The following PARD6B variants were observed in gnomAD, a reference collection of about 807,000 sequenced individuals.
PARD6B encodes the protein par-6 family cell polarity regulator beta.
In PARD6B, 4 loss-of-function variants were observed where a neutral mutation model predicts 10.5. The observed-to-expected ratio is 0.38, with a 90% CI of 0.19 to 0.87. The LOEUF (loss-of-function observed/expected upper bound fraction) is 0.87. PARD6B is among the 40% of genes least tolerant of loss of function. The pLI, the probability that PARD6B is intolerant of heterozygous loss-of-function variation, is 0.41. For synonymous variants in PARD6B, 169 were observed against 170.4 expected (o/e 0.99, Z 0.07); for missense variants, 396 against 470.6 (o/e 0.84, Z 1.47).
At position 50,750,728 on chromosome 20, in the gene PARD6B, TG is replaced by T; in HGVS notation, c.*241del. ...TGCTGATGAAGTTACGTGCTTTTGC[TG>T]TTTTGTCTGTGGAGAATCAGATGTT... is the stretch of plus-strand genomic sequence containing the variant. On this transcript the variant is annotated 3_prime_UTR_variant, in exon 3 of 3. Coordinates refer to ENST00000371610, the MANE Select transcript of PARD6B (RefSeq NM_032521.3). 1 of 1,280,730 alleles carries T rather than the reference TG, an allele frequency of 7.8e-7. No individual in the cohort carries two copies. Among genetic ancestry groups the T allele is most frequent in the South Asian group, 2.0e-5 (1 of 50,776 alleles). The allele number at this position is 1,280,730 out of a possible 1,614,324, so 79.3% of individuals were successfully genotyped here. A position where few individuals can be genotyped will look rare whatever the true frequency, so the allele number is the denominator to read the frequency against.
At chr20:50,744,229 C>T (rs1045387130) in intron 2 of PARD6B, among the ~76,000 whole-genome samples, 3 of 150,644 alleles carry the variant, frequency 2.0e-5, no homozygotes, top group Non-Finnish European at 4.4e-5. Context: ...AGTCTCCTGC[C>T]TCATCCTCCC....
chr20:50,741,290 T>C (rs868552344), intron 2 of PARD6B, among the ~76,000 whole-genome samples: 2 of 152,014 alleles, frequency 1.3e-5, no homozygotes, highest in East Asian at 1.9e-4. Context: ...TGTGCTCTTA[T>C]GCTTGGTTAT....
At position 50,738,025 on chromosome 20, in the gene PARD6B, C is replaced by A. The variant is rs1249222155; in HGVS notation, c.235C>A (p.His79Asn). The A allele has an allele frequency of 6.2e-7, 1 of 1,612,426 alleles. No individual in the cohort carries two copies. Among genetic ancestry groups the A allele is most frequent in the Admixed American group, 1.7e-5 (1 of 59,556 alleles). Residue 79 changes from histidine (H) to asparagine (N), a missense_variant, in exon 2 of 3, where the codon CAC becomes AAC. His to Asn is a moderately conservative substitution (Grantham distance 68). Transcript: ENST00000371610. ...ACCTATAAATAATGATGATAATTAT[C>A]ACAAAGCTGTTTCAACGGCCAATCC... ...LLPINNDDNY[H>N]KAVSTANPLL...
At chr20:50,735,844 C>T (rs921367343) in intron 1 of PARD6B, among the ~76,000 whole-genome samples, 1 of 152,162 alleles carries the variant, frequency 6.6e-6, no homozygotes, top group African/African-American at 2.4e-5. Context: ...GATGTTATTC[C>T]CATTCATACA....
Position 50,750,387 on chromosome 20 carries a change from G to C in PARD6B, c.1018G>C (p.Val340Leu). 6.2e-7 allele frequency: 1 copy of C among 1,614,174 alleles called. No homozygotes were observed. The highest frequency in any genetic ancestry group is 8.5e-7 in the Non-Finnish European group (1 of 1,180,014). ...GQNGFIPSNE[V>L]SLAAIASSSN... ...GAATGGCTTTATTCCCTCTAATGAA[G>C]TGAGCTTAGCAGCCATAGCAAGCAG... Residue 340 changes from valine to leucine, a missense_variant, in exon 3 of 3, where the codon GTG becomes CTG. This residue lies in a region of PARD6B where 188 missense variants were observed against 169.7 expected (regional missense o/e 1.11). Coordinates refer to ENST00000371610, the MANE Select transcript of PARD6B (RefSeq NM_032521.3).
rs1004916738 is a variant in PARD6B, at chr20:50,753,564, G to T, written c.*3076G>T. 8 of 867,878 alleles carry T rather than the reference G, an allele frequency of 9.2e-6. No homozygotes were observed. The highest frequency in any genetic ancestry group is 1.1e-5 in the Non-Finnish European group (8 of 722,878). The allele number at this position is 867,878 out of a possible 1,614,324, so 53.8% of individuals were successfully genotyped here. On this transcript the variant is annotated 3_prime_UTR_variant, in exon 3 of 3. Transcript: ENST00000371610. Reference sequence around the variant, plus strand: ...TGAATTTTCTAATTAAATTTTACATGCTATAACATGATTTTTACATGAATG... The same window carrying T: ...TGAATTTTCTAATTAAATTTTACATTCTATAACATGATTTTTACATGAATG...
intron 1 of PARD6B, among the ~76,000 whole-genome samples, chr20:50,737,135 G>A (rs973335582): frequency 2.0e-5 from 3 of 152,070 alleles, no homozygotes; most frequent in Non-Finnish European, 4.4e-5. Flanking sequence ...TCCCCATTCC[G>A]CCCCATTTGT....
chr20:50,737,814 CT>C (rs77434064), intron 1 of PARD6B, 42 bp from the exon 2 acceptor site: 206,817 of 1,003,728 alleles, frequency 0.21, 428 homozygotes, highest in Non-Finnish European at 0.22. Flanking sequence ...GGTCCTTTTA[CT>C]TTTTTTTTTT....
chr20:50,742,952 G>T (rs1198593025), intron 2 of PARD6B, among the ~76,000 whole-genome samples: 1 of 152,168 alleles, frequency 6.6e-6, no homozygotes, highest in Admixed American at 6.5e-5. Flanking sequence ...TTATTTTCAT[G>T]CAGAGGATCC....
chr20:50,737,814 C>CT (rs77434064), intron 1 of PARD6B, 43 bp from the exon 2 acceptor site: 161,268 of 1,039,980 alleles, frequency 0.16, 496 homozygotes, highest in East Asian at 0.17. Context: ...GGTCCTTTTA[C>CT]TTTTTTTTTT....
chr20:50,750,626 A>C lies in PARD6B; in HGVS notation c.*138A>C. 4 of 1,420,832 alleles carry C rather than the reference A, an allele frequency of 2.8e-6. No individual in the cohort carries two copies. Among genetic ancestry groups the C allele is most frequent in the Non-Finnish European group, 3.7e-6 (4 of 1,091,940 alleles). The allele number at this position is 1,420,832 out of a possible 1,614,324, so 88.0% of individuals were successfully genotyped here. On this transcript the variant is annotated 3_prime_UTR_variant, in exon 3 of 3. Coordinates refer to ENST00000371610, the MANE Select transcript of PARD6B (RefSeq NM_032521.3). ...AACGTTGCAAGCTTACAATATTATTAAAGTAGTAGTTTGATAATTGTTAAT... is the reference window on the plus strand; with the variant it reads ...AACGTTGCAAGCTTACAATATTATTCAAGTAGTAGTTTGATAATTGTTAAT...
intron 2 of PARD6B, among the ~76,000 whole-genome samples, chr20:50,738,912 T>C (rs566143798): frequency 1.3e-5 from 2 of 152,042 alleles, no homozygotes; most frequent in Non-Finnish European, 2.9e-5. Flanking sequence ...TGAGCCACCA[T>C]GCTCAGCCAA....
In PARD6B at chr20:50,743,697, G is replaced by A. The variant is rs2087543855; in HGVS notation, c.289+5618G>A. ...AGATCAGGAGATCGAGACCATCCTG[G>A]CTAGCATGGTGAAACCGTGTCTCTA... On this transcript the variant is annotated intron_variant, in intron 2 of 2. Transcript: ENST00000371610. Among the ~76,000 whole-genome samples, 8 of 152,140 alleles carry A rather than the reference G, an allele frequency of 5.3e-5. No individual in the cohort carries two copies. The South Asian group carries it at 1.7e-3, about 32-fold the overall frequency.
At chr20:50,737,788 A>G (rs1034250532) in intron 1 of PARD6B, 69 bp from the exon 2 acceptor site, 48 of 1,013,136 alleles carry the variant, frequency 4.7e-5, no homozygotes, top group Non-Finnish European at 4.2e-6. Flanking sequence ...TTTCTATGGC[A>G]TGCATTTTCA....
At chr20:50,738,866 C>T (rs752778857) in intron 2 of PARD6B, among the ~76,000 whole-genome samples, 2 of 151,910 alleles carry the variant, frequency 1.3e-5, no homozygotes, top group Non-Finnish European at 2.9e-5. Context: ...GGTGATCCTC[C>T]AGTCCCTGCC....
chr20:50,750,169 A>T lies in PARD6B; in HGVS notation c.800A>T (p.Gln267Leu). Residue 267 changes from glutamine to leucine, a missense_variant, in exon 3 of 3, where the codon CAG becomes CTG. This residue lies in a region of PARD6B where 188 missense variants were observed against 169.7 expected (regional missense o/e 1.11). Coordinates refer to ENST00000371610, the MANE Select transcript of PARD6B (RefSeq NM_032521.3). ...RNSRTSGSSG[Q>L]STDNSLLGYP... is the part of the protein sequence containing the mutation. ...AGTCGGACTTCTGGCAGTTCCGGTC[A>T]GTCTACTGATAACAGCCTTCTTGGC... 1.2e-6 allele frequency: 2 copies of T among 1,614,266 alleles called. No homozygotes were observed. The highest frequency in any genetic ancestry group is 1.7e-6 in the Non-Finnish European group (2 of 1,180,044).
At chr20:50,734,552 G>A (rs1368634551) in intron 1 of PARD6B, among the ~76,000 whole-genome samples, 1 of 151,682 alleles carries the variant, frequency 6.6e-6, no homozygotes, top group Non-Finnish European at 1.5e-5. Context: ...TAGAGATGGG[G>A]TCTCTCCATG....
At position 50,738,049 on chromosome 20, in the gene PARD6B, C is replaced by A; in HGVS notation, c.259C>A (p.Pro87Thr). The change falls in exon 2 of 3, where the codon CCA becomes ACA. Residue 87 changes from proline to threonine, a missense_variant. Physicochemically the swap from Pro to Thr is conservative, Grantham distance 38. Coordinates refer to ENST00000371610, the MANE Select transcript of PARD6B (RefSeq NM_032521.3). Reference sequence around the variant, plus strand: ...TCACAAAGCTGTTTCAACGGCCAATCCACTGCTTAGGATATTTATACAAAA... The same window carrying A: ...TCACAAAGCTGTTTCAACGGCCAATACACTGCTTAGGATATTTATACAAAA... ...NYHKAVSTAN[P>T]LLRIFIQKKE... 1 of 1,609,684 alleles carries A rather than the reference C, an allele frequency of 6.2e-7. No homozygotes were observed. Among genetic ancestry groups the A allele is most frequent in the South Asian group, 1.1e-5 (1 of 90,254 alleles).
At position 50,749,795 on chromosome 20, in the gene PARD6B, G is replaced by A. The variant is rs747663151; in HGVS notation, c.426G>A (p.Val142=). 4.3e-6 allele frequency: 7 copies of A among 1,614,164 alleles called. No individual in the cohort carries two copies. Among genetic ancestry groups the A allele is most frequent in the Non-Finnish European group, 3.4e-6 (4 of 1,180,032 alleles). Residue 142 remains valine (V), a synonymous_variant, in exon 3 of 3, where the codon GTG becomes GTA. Transcript: ENST00000371610. ...VISMPQDFRP[V]SSIIDVDILP... ...GTATGCCCCAAGACTTTAGACCTGTGTCTTCTATTATAGACGTGGATATTC... is the reference window on the plus strand; with the variant it reads ...GTATGCCCCAAGACTTTAGACCTGTATCTTCTATTATAGACGTGGATATTC...
Sources: allele counts gnomAD v4.1 joint callset (sites outside exome capture counted in the v4.1 genomes callset), GRCh38; gene constraint gnomAD v4.1.1; regional missense constraint gnomAD v4.1.1; transcripts MANE v1.5; gene names NCBI Gene and HGNC (gene_info 2026-07-23, HGNC 2026-07-21).